RELN: variants seen among roughly 807,000 people sequenced by gnomAD.
RELN encodes reelin.
A neutral mutation model predicts 427.6 loss-of-function variants in RELN; 108 were observed. The ratio of observed to expected loss-of-function variants is 0.25; its 90% CI spans 0.22 to 0.30. The LOEUF is 0.30. RELN is among the 10% of genes least tolerant of loss of function. The pLI is 1.00. For synonymous variants in RELN, 1,524 were observed against 1,513.4 expected, an observed-to-expected ratio of 1.01 and a Z score of -0.16; for missense variants, 3,715 against 4,302.8, an observed-to-expected ratio of 0.86 and a Z score of 3.82.
At chr7:103,727,513 T>G (rs1402919514) in intron 7 of RELN, among the ~76,000 whole-genome samples, 2 of 152,194 alleles carry the variant, frequency 1.3e-5, no homozygotes, top group Non-Finnish European at 2.9e-5. Flanking sequence ...CTTCTTTCCA[T>G]TTTGAATGCT....
rs774534535 is a variant in RELN, at chr7:103,596,434, G to A, written c.3539+22C>T. 1.9e-5 allele frequency: 31 copies of A among 1,590,190 alleles called. No homozygotes were observed. The Middle Eastern group carries it at 7.6e-4, about 39-fold the overall frequency. ...TTACCATTCCTGGAAACTAATGCGAGGACCATCAGGTGGGTAGTTACCTGG... is the reference window on the plus strand; with the variant it reads ...TTACCATTCCTGGAAACTAATGCGAAGACCATCAGGTGGGTAGTTACCTGG... On this transcript the variant is annotated intron_variant, in intron 25 of 64. Transcript: ENST00000428762.
intron 2 of RELN, among the ~76,000 whole-genome samples, chr7:103,907,819 A>T (rs541002591): frequency 1.5e-4 from 22 of 151,426 alleles, no homozygotes; most frequent in African/African-American, 4.9e-4. Context: ...AAGTTCTGGG[A>T]TACATGTACA....
rs547443478 is a variant in RELN at position 103,984,365 on chromosome 7, C to T, written c.226+4766G>A. Among the ~76,000 whole-genome samples the T allele has an allele frequency of 2.0e-5, 3 of 152,156 alleles. No homozygotes were observed. In the East Asian group the frequency reaches 5.8e-4, roughly 29 times the overall value. ...CGATACAACATTACCATTTTATTAA[C>T]ATTTTCAATGCAAATAAAACTAATA... On this transcript the variant is annotated intron_variant, in intron 1 of 64. Coordinates refer to ENST00000428762, the MANE Select transcript of RELN (RefSeq NM_005045.4).
At chr7:103,818,479 G>GA (rs1563031470) in intron 3 of RELN, among the ~76,000 whole-genome samples, 1 of 152,136 alleles carries the variant, frequency 6.6e-6, no homozygotes, top group East Asian at 1.9e-4. Context: ...GTTAAAAGTT[G>GA]AAAAGTTAAC....
At chr7:103,701,438 A>C (rs545759666) in intron 8 of RELN, among the ~76,000 whole-genome samples, 55 of 152,262 alleles carry the variant, frequency 3.6e-4, no homozygotes, top group African/African-American at 1.3e-3. Context: ...TGTGTGTATT[A>C]TCTAAATGAT....
intron 1 of RELN, among the ~76,000 whole-genome samples, chr7:103,973,111 G>A (rs1796799098): frequency 1.3e-5 from 2 of 152,218 alleles, no homozygotes; most frequent in Non-Finnish European, 2.9e-5. Context: ...GAAGGTTTAA[G>A]TAAAGGCATC....
At chr7:103,882,847 C>T (rs938499107) in intron 2 of RELN, among the ~76,000 whole-genome samples, 2 of 152,210 alleles carry the variant, frequency 1.3e-5, no homozygotes, top group Non-Finnish European at 2.9e-5. Flanking sequence ...CAGCCGAATT[C>T]TACCAGAGGT....
At chr7:103,806,313 T>C (rs1792597900) in intron 3 of RELN, among the ~76,000 whole-genome samples, 1 of 152,052 alleles carries the variant, frequency 6.6e-6, no homozygotes, top group Non-Finnish European at 1.5e-5. Flanking sequence ...GAACTCCCTC[T>C]AAGCACTTTC....
At chr7:103,825,921 C>G (rs963665975) in intron 3 of RELN, among the ~76,000 whole-genome samples, 4 of 151,636 alleles carry the variant, frequency 2.6e-5, no homozygotes, top group Non-Finnish European at 4.4e-5. Context: ...ATGTGTACCT[C>G]AAAGTTCGTG....
At position 103,689,354 on chromosome 7, in the gene RELN, C is replaced by T. The variant is rs562007242; in HGVS notation, c.1144-7093G>A. On this transcript the variant is annotated intron_variant, in intron 10 of 64. Coordinates refer to ENST00000428762, the MANE Select transcript of RELN (RefSeq NM_005045.4). ...AAAGTATCTATCTCATAGTGATCTG[C>T]GTTTAATCTGTAGGTCAATTCCAGA... Among the ~76,000 whole-genome samples, 6 of 152,170 alleles carry T rather than the reference C, an allele frequency of 3.9e-5. No homozygotes were observed. The South Asian group carries it at 6.2e-4, about 16-fold the overall frequency.
At position 103,540,353 on chromosome 7, in the gene RELN, C is replaced by T; in HGVS notation, c.6774G>A (p.Trp2258Ter). ...LQYSLNGGLS[W>*]SLLQEFLFSN... ...TGAAAAGGAACTCCTGAAGAAGACT[C>T]CACGAGAGGCCACCGTTGAGAGAAT... Residue 2258 changes from tryptophan to a stop codon, truncating the protein, a stop_gained, in exon 44 of 65, where the codon TGG becomes TGA. Transcript: ENST00000428762. LOFTEE classifies it high-confidence loss of function. The T allele has an allele frequency of 6.2e-7, 1 of 1,614,120 alleles. No homozygotes were observed. Among genetic ancestry groups the T allele is most frequent in the Non-Finnish European group, 8.5e-7 (1 of 1,180,026 alleles).
intron 31 of RELN, among the ~76,000 whole-genome samples, chr7:103,571,776 G>A (rs362733): frequency 0.77 from 117,813 of 152,132 alleles, 46,567 homozygotes; most frequent in African/African-American, 0.94. Context: ...TGGTCTGCCC[G>A]GAATATAAGT....
intron 2 of RELN, among the ~76,000 whole-genome samples, chr7:103,851,082 A>T (rs1049881855): frequency 2.6e-5 from 4 of 152,214 alleles, no homozygotes; most frequent in Non-Finnish European, 5.9e-5. Context: ...AACCAACCCA[A>T]ATGCCCATCC....
At chr7:103,799,023 A>T (rs1156937001) in intron 3 of RELN, among the ~76,000 whole-genome samples, 1 of 151,778 alleles carries the variant, frequency 6.6e-6, no homozygotes, top group Non-Finnish European at 1.5e-5. Context: ...TTTCAGACCT[A>T]CCCCCTCTTT....
chr7:103,970,082 C>A (rs1021349479), intron 1 of RELN, among the ~76,000 whole-genome samples: 1 of 152,096 alleles, frequency 6.6e-6, no homozygotes, highest in East Asian at 1.9e-4. Context: ...TGAGGTCAAA[C>A]AAGGCTGCCT....
At chr7:103,840,834 T>C (rs1024396382) in intron 2 of RELN, among the ~76,000 whole-genome samples, 7 of 152,178 alleles carry the variant, frequency 4.6e-5, no homozygotes, top group Admixed American at 4.6e-4. Context: ...TGCTGAATAA[T>C]AGGATCCATA....
chr7:103,897,031 T>C (rs1228352223), intron 2 of RELN, among the ~76,000 whole-genome samples: 1 of 151,906 alleles, frequency 6.6e-6, no homozygotes, highest in African/African-American at 2.4e-5. Flanking sequence ...GCAAGAAAGC[T>C]TGTGTAGGGG....
At chr7:103,828,610 C>T (rs540218716) in intron 3 of RELN, among the ~76,000 whole-genome samples, 1 of 151,732 alleles carries the variant, frequency 6.6e-6, no homozygotes, top group Non-Finnish European at 1.5e-5. Flanking sequence ...AAACCTAAAC[C>T]TAATTGTGAT....
chr7:103,483,476 C>G (rs749407374), intron 62 of RELN, among the ~76,000 whole-genome samples, 177 bp downstream of exon 62: 53 of 152,302 alleles, frequency 3.5e-4, no homozygotes, highest in Non-Finnish European at 6.2e-4. Flanking sequence ...CTTTCTTGTC[C>G]TAATCGAAAA....
Sources: gnomAD v4.1 joint callset for allele counts (sites outside exome capture counted in the v4.1 genomes callset) on GRCh38, gnomAD v4.1.1 for gene constraint, MANE v1.5 for transcripts, NCBI Gene and HGNC (gene_info 2026-07-23, HGNC 2026-07-21) for gene names.